KCND3: variants seen among roughly 807,000 people sequenced by gnomAD.
KCND3 encodes the protein A-type voltage-gated potassium channel KCND3.
KCND3 carries 9 observed loss-of-function variants against 51.1 expected under a neutral mutation model. That is an observed-to-expected ratio of 0.18 (90% confidence interval 0.11 to 0.31). The LOEUF (loss-of-function observed/expected upper bound fraction) is 0.31. KCND3 is among the 10% of genes least tolerant of loss of function. KCND3 has a pLI of 1.00. For synonymous variants in KCND3, 349 were observed against 368.0 expected (o/e 0.95, Z 0.59); for missense variants, 526 against 903.8 (o/e 0.58, Z 5.36).
At chr1:111,787,202 T>C (rs1664640441) in intron 2 of KCND3, 96 bp from the exon 3 acceptor site, 2 of 1,298,652 alleles carry the variant, frequency 1.5e-6, no homozygotes, top group African/African-American at 2.9e-5. Flanking sequence ...TATTCATTCA[T>C]TCATTCAGCA....
At chr1:111,914,143 TAAA>T (rs1671084730) in intron 2 of KCND3, among the ~76,000 whole-genome samples, 1 of 148,394 alleles carries the variant, frequency 6.7e-6, no homozygotes, top group South Asian at 2.1e-4. Flanking sequence ...AAAACTTAAA[TAAA>T]AGACAAAATA....
chr1:111,961,343 C>T (rs1462329258), intron 2 of KCND3, among the ~76,000 whole-genome samples: 3 of 152,232 alleles, frequency 2.0e-5, no homozygotes, highest in African/African-American at 7.2e-5. Context: ...AATTTCCTGA[C>T]CAACTCATCC....
At chr1:111,915,429 A>G (rs977178553) in intron 2 of KCND3, among the ~76,000 whole-genome samples, 3 of 152,186 alleles carry the variant, frequency 2.0e-5, no homozygotes, top group Non-Finnish European at 4.4e-5. Context: ...AAAAGAACAA[A>G]AAAAGATATA....
At chr1:111,876,775 A>C (rs896512805) in intron 2 of KCND3, among the ~76,000 whole-genome samples, 5 of 152,222 alleles carry the variant, frequency 3.3e-5, no homozygotes, top group Admixed American at 3.3e-4. Flanking sequence ...AGAGGAGCAA[A>C]GGGAAATGTA....
In KCND3 at chr1:111,980,672, A is replaced by T. The variant is rs59592922; in HGVS notation, c.1106+949T>A. 6.4e-3 allele frequency among the ~76,000 whole-genome samples: 971 copies of T among 152,332 alleles called. 9 individuals carry two copies. The highest frequency in any genetic ancestry group is 0.022 in the African/African-American group (920 of 41,574). On this transcript the variant is annotated intron_variant, in intron 2 of 7. Coordinates refer to ENST00000302127, the MANE Select transcript of KCND3 (RefSeq NM_001378969.1). Reference sequence around the variant, plus strand: ...CCATGGTTTCTAATAGCTGAGGCAGAAACCCCTAAGAAATCTATGTTTCCA... The same window carrying T: ...CCATGGTTTCTAATAGCTGAGGCAGTAACCCCTAAGAAATCTATGTTTCCA...
intron 2 of KCND3, among the ~76,000 whole-genome samples, chr1:111,857,988 G>A (rs905428646): frequency 2.6e-5 from 4 of 152,122 alleles, no homozygotes; most frequent in Admixed American, 2.6e-4. Flanking sequence ...ATAATGCTGT[G>A]AGATGGTCTG....
intron 2 of KCND3, among the ~76,000 whole-genome samples, chr1:111,945,937 C>T (rs760114616): frequency 2.0e-5 from 3 of 152,190 alleles, no homozygotes; most frequent in East Asian, 1.9e-4. Context: ...CTGGCTCCAC[C>T]GTGTCACTTA....
At chr1:111,883,404 G>A (rs749857155) in intron 2 of KCND3, among the ~76,000 whole-genome samples, 7 of 152,158 alleles carry the variant, frequency 4.6e-5, no homozygotes, top group Non-Finnish European at 1.0e-4. Context: ...TATCTCACCC[G>A]TCTTCTCTTT....
At chr1:111,832,055 C>T (rs1365415276) in intron 2 of KCND3, among the ~76,000 whole-genome samples, 1 of 152,210 alleles carries the variant, frequency 6.6e-6, no homozygotes, top group East Asian at 1.9e-4. Context: ...CTAGCTGGAA[C>T]AGCCTCTCTA....
At chr1:111,890,595 T>C (rs926353915) in intron 2 of KCND3, among the ~76,000 whole-genome samples, 1 of 152,108 alleles carries the variant, frequency 6.6e-6, no homozygotes, top group Non-Finnish European at 1.5e-5. Flanking sequence ...GAAATATAAA[T>C]ACCAGAGTCT....
At chr1:111,832,997 A>G (rs1383739204) in intron 2 of KCND3, among the ~76,000 whole-genome samples, 1 of 152,244 alleles carries the variant, frequency 6.6e-6, no homozygotes, top group African/African-American at 2.4e-5. Flanking sequence ...GAGCCAAGAA[A>G]GCAGCAGGAC....
chr1:111,771,371 T>C lies in KCND3; in HGVS notation c.*4706A>G, dbSNP rs375273699. 2 of 152,272 alleles carry C rather than the reference T, an allele frequency of 1.3e-5. No homozygotes were observed. The highest frequency in any genetic ancestry group is 3.9e-4 in the East Asian group (2 of 5,178). 9.4% of individuals were successfully genotyped at this position (152,272 alleles called of 1,614,324 possible). On this transcript the variant is annotated 3_prime_UTR_variant, in exon 8 of 8. Coordinates refer to ENST00000302127, the MANE Select transcript of KCND3 (RefSeq NM_001378969.1). ...AAGCTTTGCAAATAATGAGATTTCA[T>C]TAGGAAATCAGAAAGAGAAAATAAA... is the stretch of plus-strand genomic sequence containing the variant.
At chr1:111,942,585 C>T (rs1246554030) in intron 2 of KCND3, among the ~76,000 whole-genome samples, 3 of 152,190 alleles carry the variant, frequency 2.0e-5, no homozygotes, top group South Asian at 2.1e-4. Context: ...GGGCCAAGCC[C>T]CTCCTGCCCT....
At chr1:111,924,938 G>C (rs1411536094) in intron 2 of KCND3, among the ~76,000 whole-genome samples, 1 of 152,214 alleles carries the variant, frequency 6.6e-6, no homozygotes, top group Non-Finnish European at 1.5e-5. Flanking sequence ...GGGATCTGTG[G>C]AGCCAGCCCA....
chr1:111,832,587 G>C (rs1666885365), intron 2 of KCND3, among the ~76,000 whole-genome samples: 1 of 152,118 alleles, frequency 6.6e-6, no homozygotes. Context: ...GACAGTGCAG[G>C]GAAAGCTGAG....
At chr1:111,815,399 A>G (rs1278579051) in intron 2 of KCND3, among the ~76,000 whole-genome samples, 1 of 151,202 alleles carries the variant, frequency 6.6e-6, no homozygotes, top group Non-Finnish European at 1.5e-5. Flanking sequence ...CCTCTTCCCA[A>G]CTAGGCCTCC....
intron 2 of KCND3, among the ~76,000 whole-genome samples, chr1:111,947,240 T>A (rs991856899): frequency 2.6e-5 from 4 of 152,244 alleles, no homozygotes; most frequent in African/African-American, 7.2e-5. Context: ...AATTCCTGTG[T>A]TCTGGATAAC....
intron 2 of KCND3, among the ~76,000 whole-genome samples, chr1:111,834,071 C>G (rs1331820412): frequency 6.6e-6 from 1 of 152,156 alleles, no homozygotes; most frequent in Admixed American, 6.5e-5. Context: ...TTGAAGAGGC[C>G]TAATGCCATT....
chr1:111,901,282 G>A (rs535798083), intron 2 of KCND3, among the ~76,000 whole-genome samples: 6 of 152,204 alleles, frequency 3.9e-5, no homozygotes, highest in Admixed American at 3.9e-4. Context: ...AGTTTATATT[G>A]AGCCCATCTT....
Sources: gnomAD v4.1 joint callset for allele counts (sites outside exome capture counted in the v4.1 genomes callset) on GRCh38, gnomAD v4.1.1 for gene constraint, MANE v1.5 for transcripts, NCBI Gene and HGNC (gene_info 2026-07-23, HGNC 2026-07-21) for gene names.